DPYD: variants seen among roughly 807,000 people sequenced by gnomAD.
The protein encoded by DPYD is dihydropyrimidine dehydrogenase, also known as dihydropyrimidine dehydrogenase [NADP(+)].
DPYD carries 109 observed loss-of-function variants against 116.2 expected under a neutral mutation model. The ratio of observed to expected loss-of-function variants is 0.94; its 90% CI spans 0.80 to 1.10. DPYD has a LOEUF of 1.10. Ranked by LOEUF, DPYD falls within the 50% of genes least tolerant of loss-of-function variation. DPYD has a pLI of 0.00. For synonymous variants in DPYD, 440 were observed against 432.0 expected (o/e 1.02, Z -0.23); for missense variants, 1,302 against 1,254.5 (o/e 1.04, Z -0.57).
intron 2 of DPYD, among the ~76,000 whole-genome samples, chr1:97,868,710 C>T (rs1047287958): frequency 6.6e-6 from 1 of 151,692 alleles, no homozygotes; most frequent in South Asian, 2.1e-4. Context: ...AATGTAGAGA[C>T]GATTTCAGTT....
At chr1:97,339,537 G>A (rs1395700985) in intron 16 of DPYD, among the ~76,000 whole-genome samples, 1 of 152,072 alleles carries the variant, frequency 6.6e-6, no homozygotes, top group African/African-American at 2.4e-5. Flanking sequence ...ATAATCAAAT[G>A]TTAAGAAAAA....
At chr1:97,792,859 C>G (rs894335502) in intron 3 of DPYD, among the ~76,000 whole-genome samples, 1 of 152,116 alleles carries the variant, frequency 6.6e-6, no homozygotes, top group African/African-American at 2.4e-5. Flanking sequence ...TCAAGGTCAT[C>G]AAAAACAGGG....
At chr1:97,354,846 T>C (rs1172025240) in intron 16 of DPYD, among the ~76,000 whole-genome samples, 1 of 152,202 alleles carries the variant, frequency 6.6e-6, no homozygotes, top group East Asian at 1.9e-4. Flanking sequence ...ATTTACTGAA[T>C]ACCTGCCATG....
At chr1:97,144,675 T>C (rs1316052897) in intron 20 of DPYD, among the ~76,000 whole-genome samples, 1 of 152,238 alleles carries the variant, frequency 6.6e-6, no homozygotes, top group African/African-American at 2.4e-5. Context: ...TCCTTCTTTA[T>C]ACACAGGTCA....
chr1:97,385,724 G>A (rs537138500), intron 14 of DPYD, among the ~76,000 whole-genome samples: 4 of 152,120 alleles, frequency 2.6e-5, no homozygotes, highest in South Asian at 2.1e-4. Context: ...CCTTTCTCGT[G>A]GGCTGAATCT....
At chr1:97,193,297 T>C in intron 19 of DPYD, 49 bp from the exon 20 acceptor site, 1 of 1,564,448 alleles carries the variant, frequency 6.4e-7, no homozygotes, top group South Asian at 1.1e-5. Flanking sequence ...GAGATAATTC[T>C]CCAAACAAAT....
In DPYD at chr1:97,549,111, GT is replaced by G. The variant is rs1651123603; in HGVS notation, c.1524+448del. ...GACAAGGTCTCTCTCTGTTGTCCAG[GT>G]TGAAGTGCAAGTGGCACGATCATGG... On this transcript the variant is annotated intron_variant, in intron 12 of 22. Coordinates refer to ENST00000370192, the MANE Select transcript of DPYD (RefSeq NM_000110.4). Among the ~76,000 whole-genome samples, 4 of 151,868 alleles carry G rather than the reference GT, an allele frequency of 2.6e-5. No individual in the cohort carries two copies. In the South Asian group the frequency reaches 8.3e-4, roughly 32 times the overall value.
chr1:97,104,466 T>C (rs1418656592), intron 20 of DPYD, among the ~76,000 whole-genome samples: 1 of 152,078 alleles, frequency 6.6e-6, no homozygotes, highest in African/African-American at 2.4e-5. Context: ...TTAAAGAGAC[T>C]ATATTAATAA....
chr1:97,249,507 A>C (rs1662939641), intron 18 of DPYD, among the ~76,000 whole-genome samples: 1 of 152,102 alleles, frequency 6.6e-6, no homozygotes, highest in African/African-American at 2.4e-5. Flanking sequence ...TGAAACCATA[A>C]AGTTCCTAGG....
At chr1:97,827,011 T>A (rs1669272670) in intron 3 of DPYD, among the ~76,000 whole-genome samples, 1 of 152,074 alleles carries the variant, frequency 6.6e-6, no homozygotes. Context: ...CCTCCCCCTG[T>A]GGTTTTAAAT....
intron 2 of DPYD, among the ~76,000 whole-genome samples, chr1:97,872,620 A>T (rs1671713763): frequency 6.6e-6 from 1 of 151,962 alleles, no homozygotes; most frequent in Admixed American, 6.6e-5. Flanking sequence ...GGAATGAAGC[A>T]CTAGGAAAAA....
chr1:97,690,427 CT>C (rs1235305873), intron 7 of DPYD, among the ~76,000 whole-genome samples: 4 of 151,626 alleles, frequency 2.6e-5, no homozygotes, highest in Admixed American at 6.6e-5. Context: ...AGCCTAATTT[CT>C]TTTTTCATTT....
At chr1:97,313,186 G>A (rs1045500446) in intron 16 of DPYD, among the ~76,000 whole-genome samples, 3 of 151,880 alleles carry the variant, frequency 2.0e-5, no homozygotes, top group African/African-American at 7.2e-5. Flanking sequence ...CTGACACATA[G>A]TAGGCATTCA....
intron 8 of DPYD, among the ~76,000 whole-genome samples, chr1:97,621,597 A>C (rs1656637907): frequency 6.6e-6 from 1 of 152,150 alleles, no homozygotes; most frequent in African/African-American, 2.4e-5. Context: ...ATACACATAT[A>C]TATTCCCTTA....
chr1:97,527,565 A>G (rs1033246853), intron 12 of DPYD, among the ~76,000 whole-genome samples: 2 of 152,182 alleles, frequency 1.3e-5, no homozygotes, highest in African/African-American at 2.4e-5. Flanking sequence ...TCATAATGCC[A>G]TTAAAGAATA....
At chr1:97,525,974 TAAGA>T (rs1431018458) in intron 12 of DPYD, among the ~76,000 whole-genome samples, 1 of 131,754 alleles carries the variant, frequency 7.6e-6, no homozygotes, top group Non-Finnish European at 1.6e-5. Context: ...CCTGGGTAAT[TAAGA>T]GTGTGTGTGT....
intron 14 of DPYD, among the ~76,000 whole-genome samples, chr1:97,407,156 CAT>C (rs1673706264): frequency 6.6e-6 from 1 of 151,858 alleles, no homozygotes; most frequent in Non-Finnish European, 1.5e-5. Flanking sequence ...TAAAATGTAA[CAT>C]AGGAATAAAA....
intron 4 of DPYD, among the ~76,000 whole-genome samples, chr1:97,736,621 C>G (rs527621486): frequency 6.6e-6 from 1 of 152,046 alleles, no homozygotes; most frequent in Admixed American, 6.5e-5. Context: ...TAGAATTAAA[C>G]CTCATTCTAT....
At chr1:97,761,193 C>T (rs1031569577) in intron 3 of DPYD, among the ~76,000 whole-genome samples, 4 of 151,964 alleles carry the variant, frequency 2.6e-5, no homozygotes, top group Non-Finnish European at 5.9e-5. Context: ...AACAAATAAA[C>T]ACAACAATCA....
Sources: allele counts gnomAD v4.1 joint callset (sites outside exome capture counted in the v4.1 genomes callset), GRCh38; gene constraint gnomAD v4.1.1; transcripts MANE v1.5; gene names NCBI Gene and HGNC (gene_info 2026-07-23, HGNC 2026-07-21).